C2orf66: variants seen among roughly 807,000 people sequenced by gnomAD.
C2orf66 encodes the protein uncharacterized protein C2orf66.
C2orf66 carries 6 observed loss-of-function variants against 7.0 expected under a neutral mutation model. The observed-to-expected ratio is 0.86, with a 90% confidence interval of 0.47 to 1.69. The LOEUF is 1.69. Among genes scored for constraint, C2orf66 ranks in the 40% most tolerant of loss-of-function variants. C2orf66 has a pLI of 0.01. For missense variants in C2orf66, 107 were observed against 112.0 expected (o/e 0.96, Z 0.20); for synonymous variants, 38 against 43.8 (o/e 0.87, Z 0.52).
the C2orf66 span, among the ~76,000 whole-genome samples, chr2:196,831,496 C>G: frequency 6.6e-6 from 1 of 152,104 alleles, no homozygotes; most frequent in Admixed American, 6.5e-5. Context: ...AGTGGGCCAC[C>G]TAAATCAGGT....
chr2:196,820,817 A>G, the C2orf66 span, among the ~76,000 whole-genome samples: 2 of 152,222 alleles, frequency 1.3e-5, no homozygotes, highest in Non-Finnish European at 2.9e-5. Context: ...GGGCTTCCTA[A>G]GATCTATATG....
Sources: gnomAD v4.1 joint callset for allele counts (sites outside exome capture counted in the v4.1 genomes callset) on GRCh38, gnomAD v4.1.1 for gene constraint, MANE v1.5 for transcripts, NCBI Gene and HGNC (gene_info 2026-07-23, HGNC 2026-07-21) for gene names.